Variants in GLT1D1 observed in about 807,000 individuals in gnomAD.
GLT1D1 encodes the protein glycosyltransferase 1 domain-containing protein 1.
In GLT1D1, 21 loss-of-function variants were observed where a neutral mutation model predicts 28.7. That is an observed-to-expected ratio of 0.73 (90% confidence interval 0.52 to 1.05). The LOEUF (loss-of-function observed/expected upper bound fraction) is 1.05. Ranked by LOEUF, GLT1D1 falls within the 50% of genes least tolerant of loss-of-function variation. GLT1D1 has a pLI of 0.00. For missense variants in GLT1D1, 343 were observed against 330.6 expected (o/e 1.04, Z -0.29); for synonymous variants, 147 against 124.8 (o/e 1.18, Z -1.19).
intron 2 of GLT1D1, among the ~76,000 whole-genome samples, chr12:128,885,800 T>G (rs906619798): frequency 6.6e-6 from 1 of 152,210 alleles, no homozygotes; most frequent in Non-Finnish European, 1.5e-5. Context: ...ATCTTTTAGG[T>G]GTCTATTTTT....
intron 7 of GLT1D1, among the ~76,000 whole-genome samples, chr12:128,959,586 G>T (rs1397883261): frequency 1.3e-5 from 2 of 152,036 alleles, no homozygotes; most frequent in African/African-American, 4.8e-5. Flanking sequence ...TAGCAAAGGT[G>T]GGACCCAGGA....
chr12:128,897,274 C>T (rs1869755204), intron 3 of GLT1D1, among the ~76,000 whole-genome samples: 1 of 152,098 alleles, frequency 6.6e-6, no homozygotes, highest in South Asian at 2.1e-4. Flanking sequence ...TTGAAGAGCT[C>T]CTGAGTAAGG....
Position 128,965,710 on chromosome 12 carries a change from TAA to T in GLT1D1, c.639+8091_639+8092del, listed in dbSNP as rs757636287. Among the ~76,000 whole-genome samples, 54 of 104,708 alleles carry T rather than the reference TAA, an allele frequency of 5.2e-4. 1 individual carries two copies. The highest frequency in any genetic ancestry group is 5.7e-3 in the Middle Eastern group (1 of 176). The allele number at this position is 104,708 out of a possible 152,430, so 68.7% of individuals were successfully genotyped here. ...AACATGGCAAAGTCTTGTCTCTGCT[TAA>T]AAAAAAAAAAAAAAAAAAAAAAAGA... is the stretch of plus-strand genomic sequence containing the variant. On this transcript the variant is annotated intron_variant, in intron 7 of 7. Transcript: ENST00000281703.
At chr12:128,873,130 A>G (rs1956741640) in intron 1 of GLT1D1, among the ~76,000 whole-genome samples, 1 of 152,100 alleles carries the variant, frequency 6.6e-6, no homozygotes, top group Admixed American at 6.5e-5. Context: ...TCCTGAGCCC[A>G]AATGATCCTC....
intron 1 of GLT1D1, among the ~76,000 whole-genome samples, chr12:128,854,024 G>A (rs1241525520): frequency 1.3e-5 from 2 of 152,076 alleles, no homozygotes; most frequent in South Asian, 2.1e-4. Flanking sequence ...GCGGGGGCGC[G>A]TTTCCAGGCC....
chr12:128,932,093 G>C (rs1379183886), intron 4 of GLT1D1, among the ~76,000 whole-genome samples: 1 of 152,196 alleles, frequency 6.6e-6, no homozygotes, highest in Non-Finnish European at 1.5e-5. Context: ...GCAGGATTAG[G>C]GAACAGTCGG....
rs921149347 is a variant in GLT1D1, at chr12:128,980,271, G to A, written c.640-2658G>A. Among the ~76,000 whole-genome samples the A allele has an allele frequency of 3.3e-5, 5 of 152,140 alleles. No individual in the cohort carries two copies. In the East Asian group the frequency reaches 9.7e-4, roughly 29 times the overall value. On this transcript the variant is annotated intron_variant, in intron 7 of 7. Coordinates refer to ENST00000281703, the MANE Select transcript of GLT1D1 (RefSeq NM_144669.3). The stretch of plus-strand genomic sequence containing the variant: ...GTGTCTGCGACCCCACAACAGGCTC[G>A]GACAAATCAGGACCAACTTTTGGAA...
chr12:128,922,137 A>C (rs1872719028), intron 4 of GLT1D1, among the ~76,000 whole-genome samples: 1 of 149,364 alleles, frequency 6.7e-6, no homozygotes, highest in Non-Finnish European at 1.5e-5. Context: ...CCAATACTGG[A>C]GATCTTTTTC....
intron 7 of GLT1D1, among the ~76,000 whole-genome samples, chr12:128,960,734 C>A (rs907494391): frequency 6.6e-6 from 1 of 151,608 alleles, no homozygotes; most frequent in Non-Finnish European, 1.5e-5. Flanking sequence ...CACCAGTGCA[C>A]TCCAGCCTGG....
chr12:128,899,260 A>G lies in GLT1D1; in HGVS notation c.348A>G (p.Ser116=). Residue 116 remains serine, a synonymous_variant, in exon 4 of 8, where the codon TCA becomes TCG. Coordinates refer to ENST00000281703, the MANE Select transcript of GLT1D1 (RefSeq NM_144669.3). ...GATTTGCTGTCGCTTTCACAGAGTC[A>G]ATGAAGGAAATGGCACAAGCGCAGT... The G allele has an allele frequency of 6.2e-7, 1 of 1,613,566 alleles. No individual in the cohort carries two copies. The highest frequency in any genetic ancestry group is 2.2e-5 in the East Asian group (1 of 44,874).
chr12:128,913,137 A>G (rs1299797138), intron 4 of GLT1D1, among the ~76,000 whole-genome samples: 2 of 152,142 alleles, frequency 1.3e-5, no homozygotes, highest in Admixed American at 6.5e-5. Flanking sequence ...TTCTCCCTTC[A>G]TACTCCTCCT....
In GLT1D1 at chr12:128,881,703, G is replaced by A. The variant is rs1035256817; in HGVS notation, c.217+5641G>A. 3.4e-5 allele frequency among the ~76,000 whole-genome samples: 5 copies of A among 146,702 alleles called. No individual in the cohort carries two copies. The Admixed American group carries it at 3.5e-4, about 10-fold the overall frequency. ...ATTTTTTATGGAGTATTTAGTATGT[G>A]CTAAGCACTTTGATAAATGCTTTGG... On this transcript the variant is annotated intron_variant, in intron 2 of 7. Transcript: ENST00000281703.
chr12:128,874,094 TTCTTTCTC>T (rs1361928579), intron 1 of GLT1D1, among the ~76,000 whole-genome samples: 20 of 26,370 alleles, frequency 7.6e-4, no homozygotes, highest in Middle Eastern at 0.029. Flanking sequence ...CTTTCTTTCT[TTCTTTCTC>T]TCTCTCTCTC....
At chr12:128,893,106 A>T (rs963258347) in intron 3 of GLT1D1, among the ~76,000 whole-genome samples, 1 of 152,058 alleles carries the variant, frequency 6.6e-6, no homozygotes, top group Non-Finnish European at 1.5e-5. Flanking sequence ...TTAGCTGGGC[A>T]TGGTGACACA....
intron 7 of GLT1D1, among the ~76,000 whole-genome samples, chr12:128,970,960 C>T (rs765078201): frequency 5.3e-5 from 8 of 152,194 alleles, no homozygotes; most frequent in Non-Finnish European, 8.8e-5. Context: ...GATTATGCCC[C>T]GGCGTACAAG....
intron 4 of GLT1D1, among the ~76,000 whole-genome samples, chr12:128,936,602 T>G (rs1158503159): frequency 2.0e-5 from 3 of 152,232 alleles, no homozygotes; most frequent in Non-Finnish European, 2.9e-5. Context: ...GCATATGGTC[T>G]CTGCTTGCAG....
intron 1 of GLT1D1, among the ~76,000 whole-genome samples, chr12:128,855,377 C>T (rs1956192199): frequency 6.6e-6 from 1 of 151,536 alleles, no homozygotes; most frequent in Non-Finnish European, 1.5e-5. Context: ...GCATGGGCAA[C>T]ATGGTGAAAC....
chr12:128,936,161 T>G (rs1166538541), intron 4 of GLT1D1, among the ~76,000 whole-genome samples: 1 of 150,916 alleles, frequency 6.6e-6, no homozygotes, highest in Admixed American at 6.6e-5. Flanking sequence ...AATATCTTTT[T>G]TTTTTTTTTT....
intron 2 of GLT1D1, among the ~76,000 whole-genome samples, chr12:128,881,678 AT>A (rs1378143811): frequency 7.0e-6 from 1 of 143,368 alleles, no homozygotes; most frequent in Non-Finnish European, 1.5e-5. Context: ...AAAAATATAT[AT>A]TTTTTATGGA....
Sources: allele counts gnomAD v4.1 joint callset (sites outside exome capture counted in the v4.1 genomes callset), GRCh38; gene constraint gnomAD v4.1.1; transcripts MANE v1.5; gene names NCBI Gene and HGNC (gene_info 2026-07-23, HGNC 2026-07-21).